Variants in DPH6 observed in about 807,000 individuals in gnomAD.
DPH6 encodes the protein diphthamine biosynthesis 6.
In DPH6, 33 loss-of-function variants were observed where a neutral mutation model predicts 38.2. The observed-to-expected ratio is 0.86, with a 90% CI of 0.65 to 1.15. The LOEUF is 1.15. Among genes scored for constraint, DPH6 ranks in the 50% most tolerant of loss-of-function variants. The pLI, the probability that DPH6 is intolerant of heterozygous loss-of-function variation, is 0.00. For synonymous variants in DPH6, 108 were observed against 103.0 expected, an observed-to-expected ratio of 1.05 and a Z score of -0.30; for missense variants, 325 against 320.0, an observed-to-expected ratio of 1.02 and a Z score of -0.12.
intron 6 of DPH6, among the ~76,000 whole-genome samples, chr15:35,404,236 T>G (rs1386553448): frequency 6.6e-6 from 1 of 152,168 alleles, no homozygotes; most frequent in Non-Finnish European, 1.5e-5. Flanking sequence ...CTTTTGGGTA[T>G]ATATCTAGCA....
intron 4 of DPH6, among the ~76,000 whole-genome samples, chr15:35,454,343 A>C (rs1297177001): frequency 6.6e-6 from 1 of 152,166 alleles, no homozygotes; most frequent in Non-Finnish European, 1.5e-5. Flanking sequence ...TGAACCAAAG[A>C]GGAGAGGACT....
chr15:35,298,576 A>G (rs2052031055), intron 3 of DPH6: 1 of 797,066 alleles, frequency 1.3e-6, no homozygotes, highest in South Asian at 1.3e-5. Context: ...GTGGATTTGA[A>G]TCTGACTTCT....
At chr15:35,449,424 A>G (rs2053900961) in intron 5 of DPH6, among the ~76,000 whole-genome samples, 1 of 152,106 alleles carries the variant, frequency 6.6e-6, no homozygotes, top group African/African-American at 2.4e-5. Flanking sequence ...TTCTTTGACT[A>G]TCTTTTCAAT....
intron 3 of DPH6, chr15:35,520,740 C>T: frequency 1.0e-6 from 1 of 984,632 alleles, no homozygotes; most frequent in Non-Finnish European, 1.2e-6. Flanking sequence ...TATGATCAAA[C>T]CAAGTAGAAT....
At chr15:35,431,418 G>T (rs559939573) in intron 5 of DPH6, among the ~76,000 whole-genome samples, 1 of 152,152 alleles carries the variant, frequency 6.6e-6, no homozygotes, top group Admixed American at 6.5e-5. Context: ...AGGTTGCAAG[G>T]TTAACGAGTG....
Position 35,316,435 on chromosome 15 carries a change from T to G in DPH6, n.200+57086A>C, listed in dbSNP as rs193054009. Among the ~76,000 whole-genome samples the G allele has an allele frequency of 3.2e-3, 490 of 152,228 alleles. 1 individual carries two copies. Among genetic ancestry groups the G allele is most frequent in the African/African-American group, 0.011 (459 of 41,542 alleles). ...CTGGCTGGAATGTATAAAAAAGAAC[T>G]GAAAAGCAACCTGAAACTTAAAAAA... On this transcript the variant is annotated intron_variant and non_coding_transcript_variant, in intron 3 of 3. Coordinates refer to the DPH6 transcript ENST00000560386.
intron 3 of DPH6, among the ~76,000 whole-genome samples, chr15:35,359,455 T>C (rs1354444733): frequency 6.6e-6 from 1 of 152,192 alleles, no homozygotes; most frequent in East Asian, 1.9e-4. Flanking sequence ...CTTCTCTCTG[T>C]GTAGTTTTAC....
At chr15:35,419,535 T>C (rs1446585305) in intron 5 of DPH6, among the ~76,000 whole-genome samples, 6 of 152,072 alleles carry the variant, frequency 3.9e-5, no homozygotes, top group Admixed American at 3.9e-4. Context: ...CACCAAACTA[T>C]ATGCTGCCTA....
At chr15:35,497,845 A>G (rs1031973484) in intron 3 of DPH6, among the ~76,000 whole-genome samples, 3 of 152,226 alleles carry the variant, frequency 2.0e-5, no homozygotes, top group African/African-American at 4.8e-5. Flanking sequence ...ATATTCTACT[A>G]ACATTATCCA....
chr15:35,381,113 T>A (rs1434996618), intron 7 of DPH6, among the ~76,000 whole-genome samples: 1 of 152,182 alleles, frequency 6.6e-6, no homozygotes, highest in African/African-American at 2.4e-5. Context: ...GTGTTAGAAA[T>A]ACTGAAGCCT....
At chr15:35,209,259 T>C in the DPH6 span, among the ~76,000 whole-genome samples, 2 of 152,302 alleles carry the variant, frequency 1.3e-5, no homozygotes, top group African/African-American at 4.8e-5. Context: ...ATGTAGTTCT[T>C]AACCTCAACA....
intron 3 of DPH6, among the ~76,000 whole-genome samples, chr15:35,532,178 T>C (rs772788457): frequency 1.3e-5 from 2 of 152,238 alleles, no homozygotes; most frequent in African/African-American, 2.4e-5. Flanking sequence ...TGTGTGAGAA[T>C]AGCAGGATCA....
chr15:35,435,600 C>G (rs1284681351), intron 5 of DPH6, among the ~76,000 whole-genome samples: 16 of 152,092 alleles, frequency 1.1e-4, no homozygotes, highest in Admixed American at 1.0e-3. Flanking sequence ...TGCATGTTGG[C>G]AGGACCCCCT....
At chr15:35,395,731 T>A (rs1241443599) in intron 6 of DPH6, among the ~76,000 whole-genome samples, 2 of 152,192 alleles carry the variant, frequency 1.3e-5, no homozygotes, top group African/African-American at 4.8e-5. Context: ...TAAGTATCAG[T>A]TTGACTTTAC....
chr15:35,356,983 C>T (rs570744568), intron 3 of DPH6, among the ~76,000 whole-genome samples: 3 of 152,308 alleles, frequency 2.0e-5, no homozygotes, highest in East Asian at 1.9e-4. Context: ...TCGGCAGTGG[C>T]GGGTGCCTCT....
chr15:35,333,662 T>C (rs1315871583), intron 3 of DPH6, among the ~76,000 whole-genome samples: 3 of 152,242 alleles, frequency 2.0e-5, no homozygotes, highest in Non-Finnish European at 2.9e-5. Flanking sequence ...TTATTGCATA[T>C]TACACTCTGG....
At chr15:35,187,165 A>AG in the DPH6 span, among the ~76,000 whole-genome samples, 12 of 152,298 alleles carry the variant, frequency 7.9e-5, no homozygotes, top group East Asian at 2.1e-3. Context: ...GACCCATGGT[A>AG]GGTGCTCAAT....
chr15:35,467,616 G>A (rs2054143873), intron 3 of DPH6, among the ~76,000 whole-genome samples: 1 of 152,100 alleles, frequency 6.6e-6, no homozygotes, highest in South Asian at 2.1e-4. Context: ...ACAAGCACAT[G>A]CATTAGCCTA....
intron 3 of DPH6, among the ~76,000 whole-genome samples, chr15:35,477,215 A>G (rs1287749816): frequency 6.6e-6 from 1 of 151,872 alleles, no homozygotes; most frequent in African/African-American, 2.4e-5. Context: ...CAATAACTAT[A>G]TATCAAAGTA....
Sources: gnomAD v4.1 joint callset for allele counts (sites outside exome capture counted in the v4.1 genomes callset) on GRCh38, gnomAD v4.1.1 for gene constraint, MANE v1.5 for transcripts, NCBI Gene and HGNC (gene_info 2026-07-23, HGNC 2026-07-21) for gene names.